Variants in LRFN2 observed in about 807,000 individuals in gnomAD.
LRFN2 encodes the protein leucine-rich repeat and fibronectin type-III domain-containing protein 2.
LRFN2 carries 18 observed loss-of-function variants against 37.3 expected under a neutral mutation model. The observed-to-expected ratio is 0.48, with a 90% CI of 0.33 to 0.72. LRFN2 has a LOEUF of 0.72. Ranked by LOEUF, LRFN2 falls within the 30% of genes least tolerant of loss-of-function variation. The pLI is 0.02. For missense variants in LRFN2, 1,006 were observed against 1,060.7 expected, an observed-to-expected ratio of 0.95 and a Z score of 0.72; for synonymous variants, 556 against 466.6, an observed-to-expected ratio of 1.19 and a Z score of -2.47.
chr6:40,495,839 A>T (rs1259656732), intron 1 of LRFN2, among the ~76,000 whole-genome samples: 22 of 151,968 alleles, frequency 1.4e-4, no homozygotes, highest in Admixed American at 1.4e-3. Context: ...GACTTCCAAC[A>T]CCTTCTAGTG....
chr6:40,428,705 T>C (rs909141789), intron 2 of LRFN2, among the ~76,000 whole-genome samples: 1 of 152,196 alleles, frequency 6.6e-6, no homozygotes, highest in Non-Finnish European at 1.5e-5. Context: ...CTTCTTCATA[T>C]ATCCAGAAGG....
At chr6:40,398,693 A>C (rs1762665461) in intron 2 of LRFN2, among the ~76,000 whole-genome samples, 1 of 151,882 alleles carries the variant, frequency 6.6e-6, no homozygotes, top group African/African-American at 2.4e-5. Context: ...CAGTGCGTTA[A>C]ATTTAATTAA....
intron 1 of LRFN2, among the ~76,000 whole-genome samples, chr6:40,580,055 T>G (rs1264772242): frequency 1.3e-5 from 2 of 151,634 alleles, no homozygotes; most frequent in East Asian, 3.9e-4. Flanking sequence ...CCTCAAGAGG[T>G]GAGGTGGGCT....
At chr6:40,395,529 G>C (rs1260097410) in intron 2 of LRFN2, among the ~76,000 whole-genome samples, 1 of 152,314 alleles carries the variant, frequency 6.6e-6, no homozygotes, top group Middle Eastern at 3.4e-3. Context: ...TGCTGCAGGG[G>C]ACACTTGAGT....
chr6:40,557,132 A>G (rs1357043703), intron 1 of LRFN2, among the ~76,000 whole-genome samples: 1 of 152,020 alleles, frequency 6.6e-6, no homozygotes, highest in Non-Finnish European at 1.5e-5. Context: ...AGCCTTTGGG[A>G]TGGGGCAGCT....
At chr6:40,548,232 G>C (rs1766699534) in intron 1 of LRFN2, among the ~76,000 whole-genome samples, 1 of 152,180 alleles carries the variant, frequency 6.6e-6, no homozygotes, top group African/African-American at 2.4e-5. Context: ...CTGAGGTCAG[G>C]AGTTCGAGAC....
chr6:40,415,278 T>G (rs1320263091), intron 2 of LRFN2, among the ~76,000 whole-genome samples: 2 of 152,126 alleles, frequency 1.3e-5, no homozygotes, highest in Non-Finnish European at 2.9e-5. Flanking sequence ...TAGGCTGGAA[T>G]GCAATGGTGC....
intron 2 of LRFN2, among the ~76,000 whole-genome samples, chr6:40,402,976 AGTGAGGAGGACG>A (rs1328995207): frequency 1.3e-5 from 2 of 152,170 alleles, no homozygotes; most frequent in African/African-American, 4.8e-5. Flanking sequence ...AGGTAGAAAC[AGTGAGGAGGACG>A]GTGAGGCTGG....
At chr6:40,566,608 A>C (rs1319395609) in intron 1 of LRFN2, among the ~76,000 whole-genome samples, 1 of 151,738 alleles carries the variant, frequency 6.6e-6, no homozygotes, top group Non-Finnish European at 1.5e-5. Context: ...GCTGGAAACC[A>C]TCATTCTCAG....
Position 40,432,456 on chromosome 6 carries a change from G to T in LRFN2, c.658C>A (p.Arg220Ser), listed in dbSNP as rs150204126. 24 of 1,614,090 alleles carry T rather than the reference G, an allele frequency of 1.5e-5. No individual in the cohort carries two copies. The highest frequency in any genetic ancestry group is 1.7e-5 in the Admixed American group (1 of 60,010). ...GCTGTCAAAGCCGAAGCCTGGGAGC[G>T]GGCAAAGATGGGATCAGGGGGCAGC... The part of the protein sequence containing the change: ...QKLPPDPIFA[R>S]SQASALTATP... Residue 220 changes from arginine (R) to serine (S), a missense_variant, in exon 2 of 3, where the codon CGC (arginine) becomes AGC (serine). Around this residue, in one of 4 missense-constraint regions of LRFN2, gnomAD observed 303 missense variants for 299.8 expected, o/e 1.01. Coordinates refer to ENST00000338305, the MANE Select transcript of LRFN2 (RefSeq NM_020737.3).
intron 1 of LRFN2, among the ~76,000 whole-genome samples, chr6:40,509,954 G>A (rs137863268): frequency 3.9e-5 from 6 of 152,012 alleles, no homozygotes; most frequent in Non-Finnish European, 8.8e-5. Flanking sequence ...TAGGAGGGGT[G>A]GGTGTATGCA....
At chr6:40,570,516 T>A (rs1767167749) in intron 1 of LRFN2, among the ~76,000 whole-genome samples, 1 of 152,178 alleles carries the variant, frequency 6.6e-6, no homozygotes, top group African/African-American at 2.4e-5. Flanking sequence ...TCTGCACTTT[T>A]AACCCTGGGC....
intron 1 of LRFN2, among the ~76,000 whole-genome samples, chr6:40,565,973 T>G (rs1363478234): frequency 6.6e-6 from 1 of 152,062 alleles, no homozygotes; most frequent in Non-Finnish European, 1.5e-5. Flanking sequence ...AGAAAATTTT[T>G]GCAACCTACT....
At chr6:40,512,972 C>T (rs565332768) in intron 1 of LRFN2, among the ~76,000 whole-genome samples, 2 of 152,280 alleles carry the variant, frequency 1.3e-5, no homozygotes, top group South Asian at 2.1e-4. Context: ...CCAAGGTGAG[C>T]CATGGCTTTT....
Position 40,481,536 on chromosome 6 carries a change from C to T in LRFN2, c.-18-48405G>A, listed in dbSNP as rs896227249. Among the ~76,000 whole-genome samples, 6 of 152,028 alleles carry T rather than the reference C, an allele frequency of 3.9e-5. No homozygotes were observed. The South Asian group carries it at 6.3e-4, about 16-fold the overall frequency. On this transcript the variant is annotated intron_variant, in intron 1 of 2. Coordinates refer to ENST00000338305, the MANE Select transcript of LRFN2 (RefSeq NM_020737.3). ...AGAATTTCATCAATACAGATAAGTCCTATCTCGGGGATCAGAATCAGTTTG... is the reference window on the plus strand; with the variant it reads ...AGAATTTCATCAATACAGATAAGTCTTATCTCGGGGATCAGAATCAGTTTG...
At chr6:40,402,623 G>T (rs939554916) in intron 2 of LRFN2, among the ~76,000 whole-genome samples, 1 of 152,286 alleles carries the variant, frequency 6.6e-6, no homozygotes, top group South Asian at 2.1e-4. Flanking sequence ...GAAAATCAAG[G>T]TTCCAAGACA....
At chr6:40,562,496 G>C (rs529596295) in intron 1 of LRFN2, among the ~76,000 whole-genome samples, 1 of 151,988 alleles carries the variant, frequency 6.6e-6, no homozygotes, top group Non-Finnish European at 1.5e-5. Context: ...AAGAGATGAC[G>C]TTTCCAATTT....
chr6:40,579,613 A>AACACACACACACACACAC (rs34819147), intron 1 of LRFN2, among the ~76,000 whole-genome samples: 1 of 144,970 alleles, frequency 6.9e-6, no homozygotes, highest in Admixed American at 7.0e-5. Flanking sequence ...AACACACACA[A>AACACACACACACACACAC]ACACACACAC....
In LRFN2 at chr6:40,433,048, G is replaced by A. The variant is rs778859412; in HGVS notation, c.66C>T (p.Pro22=). 6 of 1,571,880 alleles carry A rather than the reference G, an allele frequency of 3.8e-6. No individual in the cohort carries two copies. In the African/African-American group the frequency reaches 4.1e-5, roughly 11 times the overall value. The change falls in exon 2 of 3, where the codon CCC becomes CCT. Residue 22 remains proline (P), a synonymous_variant. Transcript: ENST00000338305. ...GMAFAVVDAC[P]KYCVCQNLSE... is the part of the protein sequence containing the mutation. The stretch of plus-strand genomic sequence containing the variant: ...ACAGATTCTGGCAGACACAGTACTT[G>A]GGGCAGGCGTCGACCACGGCAAACG...
Sources: gnomAD v4.1 joint callset for allele counts (sites outside exome capture counted in the v4.1 genomes callset) on GRCh38, gnomAD v4.1.1 for gene constraint, gnomAD v4.1.1 regional missense constraint, MANE v1.5 for transcripts, NCBI Gene and HGNC (gene_info 2026-07-23, HGNC 2026-07-21) for gene names.